The following DPYD variants were observed in gnomAD, a reference collection of about 807,000 sequenced individuals.
DPYD encodes the protein dihydropyrimidine dehydrogenase [NADP(+)].
Under a neutral mutation model 116.2 loss-of-function variants are expected in DPYD, and 109 were observed. The ratio of observed to expected loss-of-function variants is 0.94; its 90% confidence interval spans 0.80 to 1.10. The LOEUF (loss-of-function observed/expected upper bound fraction) is 1.10. DPYD is among the 50% of genes least tolerant of loss of function. The pLI, the probability that DPYD is intolerant of heterozygous loss-of-function variation, is 0.00. For missense variants in DPYD, 1,302 were observed against 1,254.5 expected, an observed-to-expected ratio of 1.04 and a Z score of -0.57; for synonymous variants, 440 against 432.0, an observed-to-expected ratio of 1.02 and a Z score of -0.23.
intron 16 of DPYD, among the ~76,000 whole-genome samples, chr1:97,359,855 T>C (rs1370283329): frequency 1.3e-5 from 2 of 152,152 alleles, no homozygotes; most frequent in Non-Finnish European, 2.9e-5. Context: ...TGCAAAAATA[T>C]GCCAAATTGT....
intron 20 of DPYD, among the ~76,000 whole-genome samples, chr1:97,166,751 T>A (rs1000835451): frequency 6.6e-6 from 1 of 152,192 alleles, no homozygotes; most frequent in Admixed American, 6.5e-5. Context: ...CTTCTCTTAA[T>A]TCAGAGGTAT....
intron 5 of DPYD, among the ~76,000 whole-genome samples, chr1:97,709,889 T>A (rs1445898068): frequency 6.6e-6 from 1 of 151,826 alleles, no homozygotes; most frequent in South Asian, 2.1e-4. Context: ...ACTCTGTTTG[T>A]TCTAATTAAC....
chr1:97,221,493 C>T (rs1660767359), intron 19 of DPYD, among the ~76,000 whole-genome samples: 2 of 152,050 alleles, frequency 1.3e-5, no homozygotes, highest in East Asian at 1.9e-4. Flanking sequence ...ATGGAAAAGG[C>T]TTTTTGAAAA....
At chr1:97,329,373 A>G (rs1164360708) in intron 16 of DPYD, among the ~76,000 whole-genome samples, 1 of 152,156 alleles carries the variant, frequency 6.6e-6, no homozygotes, top group Non-Finnish European at 1.5e-5. Flanking sequence ...CACTGCTAAC[A>G]TTCTTTATTT....
intron 14 of DPYD, among the ~76,000 whole-genome samples, chr1:97,437,789 G>A (rs574840488): frequency 6.6e-6 from 1 of 151,836 alleles, no homozygotes; most frequent in Middle Eastern, 3.4e-3. Flanking sequence ...CAGTAATTTT[G>A]GTAGGTATCT....
intron 7 of DPYD, among the ~76,000 whole-genome samples, chr1:97,682,896 A>G (rs1660501435): frequency 1.3e-5 from 2 of 152,218 alleles, no homozygotes; most frequent in South Asian, 4.1e-4. Context: ...TGTAATAGTC[A>G]CTACTTTATT....
chr1:97,364,959 A>G (rs1393088288), intron 16 of DPYD, among the ~76,000 whole-genome samples: 1 of 152,162 alleles, frequency 6.6e-6, no homozygotes, highest in African/African-American at 2.4e-5. Flanking sequence ...AAGACTGACT[A>G]CCTCAGCAGG....
At chr1:97,194,747 C>T (rs956448602) in intron 19 of DPYD, among the ~76,000 whole-genome samples, 1 of 152,120 alleles carries the variant, frequency 6.6e-6, no homozygotes, top group Non-Finnish European at 1.5e-5. Flanking sequence ...TTGTGATCCA[C>T]CCGCCTCAGC....
intron 2 of DPYD, among the ~76,000 whole-genome samples, chr1:97,831,814 T>A (rs1571433729): frequency 6.6e-6 from 1 of 151,670 alleles, no homozygotes; most frequent in East Asian, 2.0e-4. Context: ...TGATTAGTAA[T>A]AAAATACTGG....
At chr1:97,851,890 G>T (rs1011025428) in intron 2 of DPYD, among the ~76,000 whole-genome samples, 1 of 151,400 alleles carries the variant, frequency 6.6e-6, no homozygotes, top group Non-Finnish European at 1.5e-5. Flanking sequence ...TTGCATCTTT[G>T]AACCAGGCAG....
At chr1:97,391,040 C>T (rs1211245745) in intron 14 of DPYD, among the ~76,000 whole-genome samples, 3 of 142,198 alleles carry the variant, frequency 2.1e-5, no homozygotes, top group African/African-American at 5.1e-5. Context: ...ATACCACTTA[C>T]TTTTCCTCTT....
chr1:97,268,168 C>A (rs1194492985), intron 18 of DPYD, among the ~76,000 whole-genome samples: 1 of 152,158 alleles, frequency 6.6e-6, no homozygotes. Flanking sequence ...ACCTCCTGGA[C>A]ACACTGGGGC....
chr1:97,299,367 T>C (rs1194452965), intron 18 of DPYD, among the ~76,000 whole-genome samples: 1 of 152,164 alleles, frequency 6.6e-6, no homozygotes, highest in Non-Finnish European at 1.5e-5. Context: ...TCAGAGTTCT[T>C]TGGTTTACAA....
chr1:97,462,398 A>G (rs2101826752), intron 13 of DPYD, among the ~76,000 whole-genome samples: 1 of 152,314 alleles, frequency 6.6e-6, no homozygotes, highest in South Asian at 2.1e-4. Flanking sequence ...CTCCTTCTGT[A>G]AAAGGTGTTG....
chr1:97,743,686 A>G (rs1664389852), intron 3 of DPYD, among the ~76,000 whole-genome samples: 1 of 152,098 alleles, frequency 6.6e-6, no homozygotes, highest in South Asian at 2.1e-4. Flanking sequence ...AATTGCTTTA[A>G]ATGATTGATA....
At chr1:97,607,523 T>C (rs1655676262) in intron 8 of DPYD, among the ~76,000 whole-genome samples, 1 of 151,558 alleles carries the variant, frequency 6.6e-6, no homozygotes, top group African/African-American at 2.4e-5. Context: ...GCAAAAAAAA[T>C]GGTGCTGGGA....
chr1:97,287,793 T>C (rs1246155071), intron 18 of DPYD, among the ~76,000 whole-genome samples: 5 of 152,200 alleles, frequency 3.3e-5, no homozygotes, highest in African/African-American at 1.2e-4. Context: ...ACTCTCAGTA[T>C]TAGGGTGGGA....
chr1:97,821,345 A>AG (rs913201757), intron 3 of DPYD, among the ~76,000 whole-genome samples: 1 of 151,538 alleles, frequency 6.6e-6, no homozygotes, highest in East Asian at 1.9e-4. Context: ...AAAAAAAAAA[A>AG]AAAAATACAA....
At chr1:97,087,920 T>C (rs1226602931) in intron 21 of DPYD, among the ~76,000 whole-genome samples, 1 of 152,106 alleles carries the variant, frequency 6.6e-6, no homozygotes, top group Non-Finnish European at 1.5e-5. Flanking sequence ...ATAGACAAAA[T>C]ATGTTGCTAT....
Sources: allele counts gnomAD v4.1 joint callset (sites outside exome capture counted in the v4.1 genomes callset), GRCh38; gene constraint gnomAD v4.1.1; transcripts MANE v1.5; gene names NCBI Gene and HGNC (gene_info 2026-07-23, HGNC 2026-07-21).